SYNE2: variants seen among roughly 807,000 people sequenced by gnomAD.
The protein encoded by SYNE2 is nesprin-2.
A neutral mutation model predicts 856.3 loss-of-function variants in SYNE2; 431 were observed. The observed-to-expected ratio is 0.50, with a 90% CI of 0.47 to 0.55. The LOEUF (loss-of-function observed/expected upper bound fraction) is 0.55. SYNE2 is among the 20% of genes least tolerant of loss of function. SYNE2 has a pLI of 0.00. For synonymous variants in SYNE2, 2,923 were observed against 2,872.3 expected, an observed-to-expected ratio of 1.02 and a Z score of -0.56; for missense variants, 8,129 against 8,023.2, an observed-to-expected ratio of 1.01 and a Z score of -0.50.
chr14:63,844,588 T>C (rs1198689867), intron 1 of SYNE2, among the ~76,000 whole-genome samples: 3 of 152,258 alleles, frequency 2.0e-5, no homozygotes, highest in African/African-American at 7.2e-5. Flanking sequence ...ATTCTGCTGT[T>C]AATACTTGAC....
Position 64,000,580 on chromosome 14 carries a change from G to A in SYNE2, c.3499G>A (p.Asp1167Asn), listed in dbSNP as rs752011101. Residue 1167 changes from aspartate to asparagine, a missense_variant, in exon 28 of 116, where the codon GAT (aspartate) becomes AAT (asparagine). Asp to Asn is a conservative substitution (Grantham distance 23, BLOSUM62 1). Transcript: ENST00000555002. ...CATCTAGGTCATAAAAAATGAAACT[G>A]ATGCTCGCTGGAAAGAGTTTGAAAT... is the stretch of plus-strand genomic sequence containing the variant. ...TDLQVIKNETDARWKEFEIIS... is the reference protein window; with the variant it reads ...TDLQVIKNETNARWKEFEIIS... 1 of 1,613,378 alleles carries A rather than the reference G, an allele frequency of 6.2e-7. No homozygotes were observed. The highest frequency in any genetic ancestry group is 8.5e-7 in the Non-Finnish European group (1 of 1,179,616).
intron 70 of SYNE2, 58 bp downstream of exon 70, chr14:64,122,485 A>G: frequency 6.2e-7 from 1 of 1,608,706 alleles, no homozygotes; most frequent in Non-Finnish European, 8.5e-7. Context: ...TCCAACAAGC[A>G]TTCATTAAAT....
At chr14:63,895,933 C>T (rs1203991779) in intron 1 of SYNE2, among the ~76,000 whole-genome samples, 1 of 152,076 alleles carries the variant, frequency 6.6e-6, no homozygotes. Context: ...TATATCCTCT[C>T]TTATTCCAGG....
intron 78 of SYNE2, among the ~76,000 whole-genome samples, chr14:64,137,070 G>C (rs1461645852): frequency 2.6e-5 from 4 of 152,194 alleles, no homozygotes; most frequent in African/African-American, 9.7e-5. Flanking sequence ...AAGATTTCCT[G>C]ATTTTTCAAA....
intron 8 of SYNE2, among the ~76,000 whole-genome samples, chr14:63,959,501 T>C (rs1239688971): frequency 6.6e-6 from 1 of 151,924 alleles, no homozygotes; most frequent in African/African-American, 2.4e-5. Context: ...TTTCGCCGTG[T>C]TGGCCAGGAT....
chr14:63,951,981 T>C (rs1379228969), intron 7 of SYNE2, among the ~76,000 whole-genome samples: 1 of 152,260 alleles, frequency 6.6e-6, no homozygotes, highest in East Asian at 1.9e-4. Context: ...ATCCTAGTTT[T>C]GGCCATCATT....
chr14:64,014,845 G>T (rs993551756), intron 32 of SYNE2, among the ~76,000 whole-genome samples: 1 of 149,730 alleles, frequency 6.7e-6, no homozygotes, highest in African/African-American at 2.5e-5. Flanking sequence ...TGTTAAAATG[G>T]TGGGTTACAT....
intron 55 of SYNE2, among the ~76,000 whole-genome samples, chr14:64,079,517 A>G (rs1227303762): frequency 2.6e-5 from 4 of 152,200 alleles, no homozygotes; most frequent in Admixed American, 6.5e-5. Flanking sequence ...CTAGTCCTCA[A>G]GATAGGGAAA....
intron 45 of SYNE2, among the ~76,000 whole-genome samples, chr14:64,038,812 C>G (rs917017184): frequency 2.0e-5 from 3 of 152,278 alleles, no homozygotes; most frequent in East Asian, 3.9e-4. Context: ...AGCTTCGGCT[C>G]GGCATCAGAG....
At position 64,126,681 on chromosome 14, in the gene SYNE2, C is replaced by T. The variant is rs149350389; in HGVS notation, c.13791C>T (p.Gly4597=). The change falls in exon 73 of 116, where the codon GGC becomes GGT. Residue 4597 remains glycine, a synonymous_variant. Transcript: ENST00000555002. ...GDLLKAMTWP[G]ENTNLLLECF... ...TTTTGAAAGCCATGACTTGGCCTGG[C>T]GAGAACACCAACTTGCTCCTTGAAT... 4 of 1,614,050 alleles carry T rather than the reference C, an allele frequency of 2.5e-6. No individual in the cohort carries two copies. The African/African-American group carries it at 4.0e-5, about 16-fold the overall frequency.
At chr14:63,910,707 CTTA>C (rs2153354207) in intron 2 of SYNE2, among the ~76,000 whole-genome samples, 1 of 152,246 alleles carries the variant, frequency 6.6e-6, no homozygotes, top group East Asian at 1.9e-4. Context: ...TCTCAGTTTC[CTTA>C]TTTGTAAAAT....
At chr14:64,197,895 T>G (rs148493078) in intron 99 of SYNE2, among the ~76,000 whole-genome samples, 1 of 152,238 alleles carries the variant, frequency 6.6e-6, no homozygotes, top group African/African-American at 2.4e-5. Context: ...CTTGATTGTT[T>G]TCTGCATTTT....
intron 58 of SYNE2, 111 bp from the exon 59 acceptor site, chr14:64,089,463 T>A (rs2097590188): frequency 2.0e-6 from 2 of 993,108 alleles, no homozygotes; most frequent in Admixed American, 4.5e-5. Flanking sequence ...GAGGTATAGA[T>A]GGCAGACATT....
At position 64,057,271 on chromosome 14, in the gene SYNE2, C is replaced by T. The variant is rs528772572; in HGVS notation, c.10067+1005C>T. On this transcript the variant is annotated intron_variant, in intron 49 of 115. Transcript: ENST00000555002. ...TTTACCATCTCCCTTCCACCTCCCC[C>T]ACTACTCTTCCCAGTCTCTGGTAAC... Among the ~76,000 whole-genome samples the T allele has an allele frequency of 3.3e-5, 5 of 152,158 alleles. No homozygotes were observed. In the East Asian group the frequency reaches 9.7e-4, roughly 29 times the overall value.
Position 64,080,501 on chromosome 14 carries a change from C to T in SYNE2, c.11209C>T (p.Leu3737=). Residue 3737 remains leucine (L), a synonymous_variant, in exon 56 of 116, where the codon CTG becomes TTG. Transcript: ENST00000555002. Reference sequence around the variant, plus strand: ...TCTATGGCATTCCAAACTAAATGAGCTGGATTCTGAAGTTCAGGACATTGT... The same window carrying T: ...TCTATGGCATTCCAAACTAAATGAGTTGGATTCTGAAGTTCAGGACATTGT... ...LDLWHSKLNE[L]DSEVQDIVEQ... 6.2e-7 allele frequency: 1 copy of T among 1,614,164 alleles called. No individual in the cohort carries two copies. Among genetic ancestry groups the T allele is most frequent in the Non-Finnish European group, 8.5e-7 (1 of 1,180,026 alleles).
chr14:63,887,007 G>T (rs2095002749), intron 1 of SYNE2, among the ~76,000 whole-genome samples: 1 of 152,178 alleles, frequency 6.6e-6, no homozygotes, highest in Admixed American at 6.5e-5. Flanking sequence ...TTGTGACCAG[G>T]CATGGTGGCT....
At chr14:63,917,035 G>A (rs2095541741) in intron 2 of SYNE2, among the ~76,000 whole-genome samples, 1 of 152,108 alleles carries the variant, frequency 6.6e-6, no homozygotes, top group Non-Finnish European at 1.5e-5. Flanking sequence ...CCTGCAGTAA[G>A]CTATGATCGT....
intron 6 of SYNE2, among the ~76,000 whole-genome samples, chr14:63,945,506 G>T (rs1003398725): frequency 6.6e-6 from 1 of 152,114 alleles, no homozygotes; most frequent in Non-Finnish European, 1.5e-5. Flanking sequence ...AGTCTTTCTT[G>T]TTCATTGCTC....
chr14:63,888,533 T>G (rs1016292165), intron 1 of SYNE2, among the ~76,000 whole-genome samples: 3 of 152,324 alleles, frequency 2.0e-5, no homozygotes, highest in African/African-American at 7.2e-5. Context: ...TTATTTAATT[T>G]GCACAGCACA....
Sources: allele counts gnomAD v4.1 joint callset (sites outside exome capture counted in the v4.1 genomes callset), GRCh38; gene constraint gnomAD v4.1.1; transcripts MANE v1.5; gene names NCBI Gene and HGNC (gene_info 2026-07-23, HGNC 2026-07-21).